PARD3: variants seen among roughly 807,000 people sequenced by gnomAD.
PARD3 encodes partitioning defective 3 homolog.
In PARD3, 75 loss-of-function variants were observed where a neutral mutation model predicts 155.4. The observed-to-expected ratio is 0.48, with a 90% CI of 0.40 to 0.58. The LOEUF is 0.58. Among genes scored for constraint, PARD3 ranks in the 20% least tolerant of loss-of-function variants. The probability of loss-of-function intolerance (pLI) is 0.00; values close to 1 mark genes in which losing one functional copy is unlikely to be tolerated. For synonymous variants in PARD3, 576 were observed against 610.5 expected, an observed-to-expected ratio of 0.94 and a Z score of 0.83; for missense variants, 1,642 against 1,721.7, an observed-to-expected ratio of 0.95 and a Z score of 0.82.
intron 22 of PARD3, among the ~76,000 whole-genome samples, chr10:34,232,030 C>T (rs1383107053): frequency 6.6e-6 from 1 of 152,056 alleles, no homozygotes; most frequent in African/African-American, 2.4e-5. Flanking sequence ...CTATGTTAGG[C>T]GCTTCACAGA....
chr10:34,423,571 T>C (rs911562291), intron 5 of PARD3, among the ~76,000 whole-genome samples: 3 of 152,158 alleles, frequency 2.0e-5, no homozygotes, highest in African/African-American at 7.2e-5. Context: ...TCGTGCACAA[T>C]ATATACATTT....
chr10:34,532,856 T>G (rs2133813266), intron 2 of PARD3, among the ~76,000 whole-genome samples: 1 of 152,320 alleles, frequency 6.6e-6, no homozygotes, highest in South Asian at 2.1e-4. Flanking sequence ...TACAGTCATG[T>G]CACTTAACAA....
At chr10:34,364,189 T>C (rs1348436706) in intron 12 of PARD3, among the ~76,000 whole-genome samples, 2 of 152,052 alleles carry the variant, frequency 1.3e-5, no homozygotes, top group South Asian at 2.1e-4. Flanking sequence ...AAAACAATCA[T>C]GGGAAGGGTA....
intron 2 of PARD3, among the ~76,000 whole-genome samples, chr10:34,653,065 A>G (rs1326571426): frequency 6.6e-6 from 1 of 152,206 alleles, no homozygotes; most frequent in Non-Finnish European, 1.5e-5. Context: ...TTAAGAGAAC[A>G]AAGTGTGTTA....
intron 2 of PARD3, among the ~76,000 whole-genome samples, chr10:34,622,428 A>T (rs1313334293): frequency 5.3e-5 from 8 of 152,250 alleles, no homozygotes. Context: ...GAAATTTCTA[A>T]AAATAATACA....
chr10:34,784,116 CAGG>C (rs1430289780), intron 1 of PARD3, among the ~76,000 whole-genome samples: 1 of 152,016 alleles, frequency 6.6e-6, no homozygotes, highest in African/African-American at 2.4e-5. Context: ...GAGGCTGAGG[CAGG>C]AGGATTGCTA....
At chr10:34,810,537 C>A (rs1380535062) in intron 1 of PARD3, among the ~76,000 whole-genome samples, 1 of 152,306 alleles carries the variant, frequency 6.6e-6, no homozygotes, top group East Asian at 1.9e-4. Flanking sequence ...GCTTTTACTT[C>A]CCCAGCCCAT....
At chr10:34,471,964 G>A (rs147405021) in intron 3 of PARD3, among the ~76,000 whole-genome samples, 414 of 152,298 alleles carry the variant, frequency 2.7e-3, no homozygotes, top group Non-Finnish European at 3.9e-3. Context: ...TGGAAACCTT[G>A]AGGATACCAA....
At chr10:34,809,470 T>C (rs1380479585) in intron 1 of PARD3, among the ~76,000 whole-genome samples, 6 of 152,196 alleles carry the variant, frequency 3.9e-5, no homozygotes, top group Admixed American at 3.9e-4. Flanking sequence ...AAAGATCCTC[T>C]AGCAGCTTGG....
chr10:34,746,652 C>T (rs976505401), intron 1 of PARD3, among the ~76,000 whole-genome samples: 2 of 152,028 alleles, frequency 1.3e-5, no homozygotes, highest in African/African-American at 4.8e-5. Flanking sequence ...GATTTCACTA[C>T]TTTTTAAATG....
intron 2 of PARD3, among the ~76,000 whole-genome samples, chr10:34,519,820 AATAACATAACATAAC>A (rs59584708): frequency 0.026 from 3,524 of 133,942 alleles, 60 homozygotes; most frequent in African/African-American, 0.041. Flanking sequence ...TCTCAAAATA[AATAACATAACATAAC>A]ATAACATAAC....
At chr10:34,476,283 G>A (rs2078698250) in intron 3 of PARD3, among the ~76,000 whole-genome samples, 1 of 152,186 alleles carries the variant, frequency 6.6e-6, no homozygotes, top group Non-Finnish European at 1.5e-5. Context: ...AACAGTGGGT[G>A]AAAATGGCTT....
chr10:34,507,548 C>CAAAAAAAAAAAAAAAA (rs374421524), intron 3 of PARD3, among the ~76,000 whole-genome samples: 1 of 43,002 alleles, frequency 2.3e-5, no homozygotes, highest in African/African-American at 1.1e-4. Flanking sequence ...ATTAAAAAAA[C>CAAAAAAAAAAAAAAAA]AAAAAAAAAA....
intron 2 of PARD3, among the ~76,000 whole-genome samples, chr10:34,627,069 G>C (rs1187337410): frequency 6.6e-6 from 1 of 150,472 alleles, no homozygotes; most frequent in Non-Finnish European, 1.5e-5. Flanking sequence ...ACTGAGGTTA[G>C]AGTGCAGTGG....
chr10:34,478,211 T>A (rs1039622641), intron 3 of PARD3, among the ~76,000 whole-genome samples: 1 of 152,210 alleles, frequency 6.6e-6, no homozygotes, highest in African/African-American at 2.4e-5. Flanking sequence ...GGAAGATGCT[T>A]AGTGATAAAC....
At position 34,259,511 on chromosome 10, in the gene PARD3, T is replaced by C. The variant is rs185757291; in HGVS notation, c.3419+10146A>G. ...TGACTCTGCCCCTTCTGATTCCCTCTTTCACTGATAAAGCCTTGTGATTAC... is the reference window on the plus strand; with the variant it reads ...TGACTCTGCCCCTTCTGATTCCCTCCTTCACTGATAAAGCCTTGTGATTAC... On this transcript the variant is annotated intron_variant, in intron 22 of 24. Transcript: ENST00000374788. Among the ~76,000 whole-genome samples, 34 of 152,294 alleles carry C rather than the reference T, an allele frequency of 2.2e-4. No individual in the cohort carries two copies. In the East Asian group the frequency reaches 6.2e-3, roughly 28 times the overall value.
chr10:34,338,028 G>A (rs964485455), intron 16 of PARD3, among the ~76,000 whole-genome samples: 7 of 152,190 alleles, frequency 4.6e-5, no homozygotes, highest in South Asian at 2.1e-4. Context: ...TGCCAGGTAC[G>A]TAGATCCAAA....
intron 14 of PARD3, among the ~76,000 whole-genome samples, chr10:34,350,208 T>TTC (rs1837894665): frequency 6.6e-6 from 1 of 152,176 alleles, no homozygotes; most frequent in Non-Finnish European, 1.5e-5. Flanking sequence ...AACACCAGCT[T>TTC]AGGAAATAGA....
chr10:34,121,409 C>A (rs1468652020), intron 23 of PARD3, among the ~76,000 whole-genome samples: 3 of 152,202 alleles, frequency 2.0e-5, no homozygotes, highest in Non-Finnish European at 2.9e-5. Flanking sequence ...CAACGTTGTG[C>A]AACAGGCATA....
Sources: allele counts gnomAD v4.1 joint callset (sites outside exome capture counted in the v4.1 genomes callset), GRCh38; gene constraint gnomAD v4.1.1; transcripts MANE v1.5; gene names NCBI Gene and HGNC (gene_info 2026-07-23, HGNC 2026-07-21).